Variants in SPOPL observed in about 807,000 individuals in gnomAD.
SPOPL encodes speckle-type POZ protein-like.
A neutral mutation model predicts 53.8 loss-of-function variants in SPOPL; 23 were observed. The ratio of observed to expected loss-of-function variants is 0.43; its 90% CI spans 0.31 to 0.61. The LOEUF is 0.61. Ranked by LOEUF, SPOPL falls within the 20% of genes least tolerant of loss-of-function variation. The pLI is 0.12. For missense variants in SPOPL, 442 were observed against 466.9 expected, an observed-to-expected ratio of 0.95 and a Z score of 0.49; for synonymous variants, 164 against 149.7, an observed-to-expected ratio of 1.10 and a Z score of -0.70.
In SPOPL at chr2:138,550,256, T is replaced by G. The variant is rs893081318; in HGVS notation, c.40T>G (p.Ser14Ala). ...EPTPPLPGDM[S>A]TGPIAESWCY... ...CACCCCACCTCTACCTGGAGATATGTCTACTGGTCCCATAGCAGAAAGCTG... is the reference window on the plus strand; with the variant it reads ...CACCCCACCTCTACCTGGAGATATGGCTACTGGTCCCATAGCAGAAAGCTG... The change falls in exon 2 of 11, where the codon TCT becomes GCT. Residue 14 changes from serine (S) to alanine (A), a missense_variant. Physicochemically the swap from Ser to Ala is moderately conservative, Grantham distance 99. Coordinates refer to ENST00000280098, the MANE Select transcript of SPOPL (RefSeq NM_001001664.3). The G allele has an allele frequency of 6.2e-7, 1 of 1,613,666 alleles. No individual in the cohort carries two copies. Among genetic ancestry groups the G allele is most frequent in the Admixed American group, 1.7e-5 (1 of 59,956 alleles).
intron 1 of SPOPL, among the ~76,000 whole-genome samples, chr2:138,549,848 T>G (rs999010205): frequency 1.3e-5 from 2 of 152,134 alleles, no homozygotes; most frequent in African/African-American, 4.8e-5. Flanking sequence ...TCATTATGTT[T>G]CCATGATATT....
chr2:138,508,493 G>C (rs1248871027), intron 1 of SPOPL, among the ~76,000 whole-genome samples: 1 of 152,018 alleles, frequency 6.6e-6, no homozygotes, highest in Non-Finnish European at 1.5e-5. Context: ...ACCATGCCCA[G>C]CTAACTTTTG....
intron 1 of SPOPL, among the ~76,000 whole-genome samples, chr2:138,503,241 C>T (rs1684144692): frequency 6.6e-6 from 1 of 152,188 alleles, no homozygotes. Flanking sequence ...AGGGTGTAAA[C>T]CCTTGCTCTG....
intron 1 of SPOPL, among the ~76,000 whole-genome samples, chr2:138,549,601 A>G (rs1367821978): frequency 2.0e-5 from 3 of 152,152 alleles, no homozygotes; most frequent in Non-Finnish European, 4.4e-5. Flanking sequence ...TTAGGGATGA[A>G]GTCTTATCAG....
intron 1 of SPOPL, among the ~76,000 whole-genome samples, chr2:138,547,924 A>T (rs1356388404): frequency 2.6e-5 from 4 of 152,148 alleles, no homozygotes; most frequent in Non-Finnish European, 4.4e-5. Flanking sequence ...CATTAAGAAA[A>T]TTTAATACAC....
chr2:138,519,571 G>T (rs1442925134), intron 1 of SPOPL, among the ~76,000 whole-genome samples: 1 of 152,158 alleles, frequency 6.6e-6, no homozygotes, highest in African/African-American at 2.4e-5. Flanking sequence ...AGTTTAGGTG[G>T]GAGGATCACT....
intron 1 of SPOPL, among the ~76,000 whole-genome samples, chr2:138,512,451 T>A (rs971571880): frequency 6.6e-6 from 1 of 152,166 alleles, no homozygotes; most frequent in Non-Finnish European, 1.5e-5. Flanking sequence ...GTTTCAGTAT[T>A]ATTGACGCGT....
Position 138,559,242 on chromosome 2 carries a change from G to A in SPOPL, c.659-40G>A, listed in dbSNP as rs569618829. The A allele has an allele frequency of 2.5e-6, 4 of 1,610,168 alleles. No individual in the cohort carries two copies. In the South Asian group the frequency reaches 4.4e-5, roughly 18 times the overall value. On this transcript the variant is annotated intron_variant, in intron 6 of 10. Coordinates refer to ENST00000280098, the MANE Select transcript of SPOPL (RefSeq NM_001001664.3). Reference sequence around the variant, plus strand: ...GGTAATATAGTACATTTAAAAAAATGCATTTATGCATAAAATAATGATACA... The same window carrying A: ...GGTAATATAGTACATTTAAAAAAATACATTTATGCATAAAATAATGATACA...
At chr2:138,529,571 A>G (rs1488688627) in intron 1 of SPOPL, among the ~76,000 whole-genome samples, 7 of 149,020 alleles carry the variant, frequency 4.7e-5, no homozygotes, top group East Asian at 2.0e-4. Flanking sequence ...CTCCTTTTTC[A>G]TTAGTCAACT....
At chr2:138,561,283 A>G (rs1685542584) in intron 8 of SPOPL, among the ~76,000 whole-genome samples, 1 of 152,170 alleles carries the variant, frequency 6.6e-6, no homozygotes, top group African/African-American at 2.4e-5. Flanking sequence ...AAAGGAAAAA[A>G]TATTGGATAT....
intron 1 of SPOPL, among the ~76,000 whole-genome samples, chr2:138,516,967 C>G (rs1033910586): frequency 6.6e-6 from 1 of 152,044 alleles, no homozygotes; most frequent in Non-Finnish European, 1.5e-5. Flanking sequence ...ATGTTTGTTC[C>G]GTAAATGCTA....
rs745492271 is a variant in SPOPL at position 138,568,967 on chromosome 2, T to C, written c.1066T>C (p.Trp356Arg). 1.2e-6 allele frequency: 2 copies of C among 1,614,040 alleles called. No individual in the cohort carries two copies. The highest frequency in any genetic ancestry group is 1.7e-6 in the Non-Finnish European group (2 of 1,179,924). Reference protein sequence around the residue: ...QATDIMETSGWKSMIQSHPHL... With the variant: ...QATDIMETSGRKSMIQSHPHL... ...AACCGACATAATGGAAACATCAGGGTGGAAGTCCATGATTCAGTCTCACCC... is the reference window on the plus strand; with the variant it reads ...AACCGACATAATGGAAACATCAGGGCGGAAGTCCATGATTCAGTCTCACCC... The change falls in exon 11 of 11, where the codon TGG becomes CGG. Residue 356 changes from tryptophan (W) to arginine (R), a missense_variant. Physicochemically the swap from Trp to Arg is moderately radical, Grantham distance 101. Transcript: ENST00000280098.
At chr2:138,550,663 C>T (rs1482883971) in intron 3 of SPOPL, 59 bp downstream of exon 3, 3 of 1,547,502 alleles carry the variant, frequency 1.9e-6, no homozygotes, top group Admixed American at 4.1e-5. Flanking sequence ...TCATCAGCTG[C>T]TCATGATTTT....
At chr2:138,561,023 T>C in intron 8 of SPOPL, 96 bp downstream of exon 8, 1 of 1,436,516 alleles carries the variant, frequency 7.0e-7, no homozygotes, top group African/African-American at 1.5e-5. Flanking sequence ...ACTCGTATTT[T>C]GTAGATGGCT....
At chr2:138,565,943 C>T (rs1276189441) in intron 10 of SPOPL, among the ~76,000 whole-genome samples, 1 of 152,044 alleles carries the variant, frequency 6.6e-6, no homozygotes, top group Non-Finnish European at 1.5e-5. Context: ...ACCGTGGTAG[C>T]CAGGATGGTC....
In SPOPL at chr2:138,569,188, C is replaced by T; in HGVS notation, c.*108C>T. On this transcript the variant is annotated 3_prime_UTR_variant, in exon 11 of 11. Coordinates refer to ENST00000280098, the MANE Select transcript of SPOPL (RefSeq NM_001001664.3). ...AGAGTTGTTTCTGTTATTTTGTCCA[C>T]AGAACAGAAGCTGAAAAAGCATATT... 1 of 1,277,766 alleles carries T rather than the reference C, an allele frequency of 7.8e-7. No individual in the cohort carries two copies. The highest frequency in any genetic ancestry group is 1.1e-6 in the Non-Finnish European group (1 of 917,380). 79.2% of individuals were successfully genotyped at this position (1,277,766 alleles called of 1,614,324 possible). A position where few individuals can be genotyped will look rare whatever the true frequency, so the allele number is the denominator to read the frequency against.
intron 10 of SPOPL, 36 bp from the exon 11 acceptor site, chr2:138,568,900 A>G (rs1285707187): frequency 3.1e-6 from 5 of 1,608,414 alleles, no homozygotes; most frequent in East Asian, 2.2e-5. Flanking sequence ...TTTGAAAAGT[A>G]TTCTTTAGTA....
At chr2:138,520,047 G>C (rs1485561008) in intron 1 of SPOPL, among the ~76,000 whole-genome samples, 1 of 152,068 alleles carries the variant, frequency 6.6e-6, no homozygotes, top group African/African-American at 2.4e-5. Flanking sequence ...AAAGAGATAA[G>C]GTTAAATTAT....
Position 138,569,231 on chromosome 2 carries a change from A to G in SPOPL, c.*151A>G. The G allele has an allele frequency of 1.2e-6, 1 of 835,422 alleles. No homozygotes were observed. The highest frequency in any genetic ancestry group is 1.9e-6 in the Non-Finnish European group (1 of 533,142). The allele number at this position is 835,422 out of a possible 1,614,324, so 51.8% of individuals were successfully genotyped here. Reference sequence around the variant, plus strand: ...AGCATATTGCTTGCATTTCAGGTGGATAATTTATGGTTTATTCTTCAGCTT... The same window carrying G: ...AGCATATTGCTTGCATTTCAGGTGGGTAATTTATGGTTTATTCTTCAGCTT... On this transcript the variant is annotated 3_prime_UTR_variant, in exon 11 of 11. Coordinates refer to ENST00000280098, the MANE Select transcript of SPOPL (RefSeq NM_001001664.3).
Sources: allele counts gnomAD v4.1 joint callset (sites outside exome capture counted in the v4.1 genomes callset), GRCh38; gene constraint gnomAD v4.1.1; transcripts MANE v1.5; gene names NCBI Gene and HGNC (gene_info 2026-07-23, HGNC 2026-07-21).